The following CAMTA1 variants were observed in gnomAD, a reference collection of about 807,000 sequenced individuals.
The protein encoded by CAMTA1 is calmodulin binding transcription activator 1.
In CAMTA1, 27 loss-of-function variants were observed where a neutral mutation model predicts 170.9. The observed-to-expected ratio is 0.16, with a 90% CI of 0.12 to 0.22. The LOEUF (loss-of-function observed/expected upper bound fraction) is 0.22. Among genes scored for constraint, CAMTA1 ranks in the 10% least tolerant of loss-of-function variants. The pLI is 1.00. For synonymous variants in CAMTA1, 833 were observed against 891.5 expected (o/e 0.93, Z 1.17); for missense variants, 1,619 against 2,217.2 (o/e 0.73, Z 5.42).
chr1:6,820,710 T>G lies in CAMTA1; in HGVS notation c.115+460T>G, dbSNP rs1283255090. Among the ~76,000 whole-genome samples the G allele has an allele frequency of 2.0e-5, 3 of 152,204 alleles. No individual in the cohort carries two copies. In the East Asian group the frequency reaches 5.8e-4, roughly 29 times the overall value. The stretch of plus-strand genomic sequence containing the variant: ...TGGGAGTAATTAAGCCCTTGTGTTT[T>G]ATCGTGAGGATTAAATGAAAGAGTG... On this transcript the variant is annotated intron_variant, in intron 2 of 22. Coordinates refer to ENST00000303635, the MANE Select transcript of CAMTA1 (RefSeq NM_015215.4).
intron 4 of CAMTA1, among the ~76,000 whole-genome samples, chr1:7,222,742 G>A (rs939609581): frequency 6.6e-6 from 1 of 152,250 alleles, no homozygotes; most frequent in Admixed American, 6.5e-5. Flanking sequence ...AATGGTCCCT[G>A]GGCCAGAGGA....
At chr1:7,171,336 T>C (rs947762257) in intron 4 of CAMTA1, among the ~76,000 whole-genome samples, 3 of 152,172 alleles carry the variant, frequency 2.0e-5, no homozygotes, top group Non-Finnish European at 4.4e-5. Flanking sequence ...GCTCAAGCTG[T>C]TCCCCTGCAC....
rs185159742 is a variant in CAMTA1 at position 7,718,587 on chromosome 1, C to G, written c.2915-13861C>G. On this transcript the variant is annotated intron_variant, in intron 11 of 22. Coordinates refer to ENST00000303635, the MANE Select transcript of CAMTA1 (RefSeq NM_015215.4). ...TTTTTTTTTTTTTGAGACAGGGTCT[C>G]GCTCTGTCACCCAGGCTGGAGTGCA... Among the ~76,000 whole-genome samples the G allele has an allele frequency of 4.7e-4, 67 of 142,378 alleles. No homozygotes were observed. The East Asian group carries it at 0.011, about 23-fold the overall frequency. 93.4% of individuals were successfully genotyped at this position (142,378 alleles called of 152,430 possible).
At chr1:7,640,356 G>A (rs765986001) in intron 6 of CAMTA1, 44 bp from the exon 7 acceptor site, 1 of 1,608,360 alleles carries the variant, frequency 6.2e-7, no homozygotes, top group Admixed American at 1.7e-5. Context: ...ACCCTGGTGG[G>A]CTCCATGCCA....
chr1:7,267,035 G>A (rs1669041863), intron 5 of CAMTA1, among the ~76,000 whole-genome samples: 1 of 152,188 alleles, frequency 6.6e-6, no homozygotes, highest in Non-Finnish European at 1.5e-5. Flanking sequence ...AGGTAACTTT[G>A]CTTTATGCTG....
chr1:7,699,151 C>T (rs2149481799), intron 11 of CAMTA1, among the ~76,000 whole-genome samples: 1 of 152,234 alleles, frequency 6.6e-6, no homozygotes, highest in Non-Finnish European at 1.5e-5. Flanking sequence ...ATACAATTTA[C>T]CTATTTGAAG....
chr1:7,656,698 G>A (rs2095906308), intron 7 of CAMTA1, among the ~76,000 whole-genome samples: 1 of 152,242 alleles, frequency 6.6e-6, no homozygotes, highest in Non-Finnish European at 1.5e-5. Flanking sequence ...CCCATGTGGG[G>A]TGAAGCCCCC....
chr1:6,940,949 G>GGGGGATCCTCATGGGGA (rs1553193094), intron 3 of CAMTA1, among the ~76,000 whole-genome samples: 1 of 6,684 alleles, frequency 1.5e-4, no homozygotes, highest in Non-Finnish European at 3.4e-4. Context: ...CTCAGGGGGA[G>GGGGGATCCTCATGGGGA]GGGGGATCCT....
intron 5 of CAMTA1, chr1:7,382,567 T>C (rs981195343): frequency 1.3e-4 from 20 of 152,222 alleles, no homozygotes; most frequent in African/African-American, 4.1e-4. Flanking sequence ...CTACACTTCA[T>C]AGTTTAAATA....
At chr1:7,282,962 T>C (rs553903966) in intron 5 of CAMTA1, among the ~76,000 whole-genome samples, 2 of 152,246 alleles carry the variant, frequency 1.3e-5, no homozygotes, top group South Asian at 4.2e-4. Flanking sequence ...GTCCGCAAGA[T>C]TCATGTAGGA....
chr1:6,902,931 A>G (rs1677452900), intron 3 of CAMTA1, among the ~76,000 whole-genome samples: 1 of 152,226 alleles, frequency 6.6e-6, no homozygotes, highest in African/African-American at 2.4e-5. Flanking sequence ...TTAAACATAC[A>G]TGTACACCAT....
chr1:6,861,948 G>A (rs1557717483), intron 3 of CAMTA1, among the ~76,000 whole-genome samples: 1 of 150,926 alleles, frequency 6.6e-6, no homozygotes, highest in African/African-American at 2.4e-5. Flanking sequence ...ATAAAGTGAA[G>A]TCATATAGTA....
chr1:7,571,089 T>C (rs115817655), intron 6 of CAMTA1, among the ~76,000 whole-genome samples: 133 of 152,322 alleles, frequency 8.7e-4, no homozygotes, highest in Middle Eastern at 3.4e-3. Context: ...TCTTAGTCCA[T>C]TGGGCTGCTA....
At chr1:6,824,236 G>A (rs1018021344) in intron 2 of CAMTA1, among the ~76,000 whole-genome samples, 17 of 152,250 alleles carry the variant, frequency 1.1e-4, no homozygotes, top group African/African-American at 3.6e-4. Flanking sequence ...TGACCTAAAT[G>A]TGCCAAAGCT....
At chr1:7,447,502 A>G (rs1029764068) in intron 5 of CAMTA1, among the ~76,000 whole-genome samples, 3 of 152,048 alleles carry the variant, frequency 2.0e-5, no homozygotes, top group African/African-American at 7.2e-5. Context: ...CAGTTCCCAC[A>G]TGGGCTTCTT....
Position 7,499,767 on chromosome 1 carries a change from G to C in CAMTA1, c.510+31866G>C, listed in dbSNP as rs1332667480. Among the ~76,000 whole-genome samples, 2 of 138,846 alleles carry C rather than the reference G, an allele frequency of 1.4e-5. 1 individual carries two copies. The highest frequency in any genetic ancestry group is 3.1e-5 in the Non-Finnish European group (2 of 65,528). The allele number at this position is 138,846 out of a possible 152,430, so 91.1% of individuals were successfully genotyped here. On this transcript the variant is annotated intron_variant, in intron 6 of 22. Transcript: ENST00000303635. ...GTAGAGAGGATTGTGTGAGCCTGTT[G>C]TGAGTGTGTGTGTCCATGAGTGTGT...
Position 7,682,135 on chromosome 1 carries a change from G to A in CAMTA1, c.2914+4402G>A, listed in dbSNP as rs899168540. 6.6e-6 allele frequency among the ~76,000 whole-genome samples: 1 copy of A among 152,174 alleles called. No individual in the cohort carries two copies. The highest frequency in any genetic ancestry group is 2.4e-5 in the African/African-American group (1 of 41,442). ...GCGTGCAGCTCCCCTGGGCTTGGCT[G>A]GTCTCCTGGGCAGGCCCCCTTCTGG... On this transcript the variant is annotated intron_variant, in intron 11 of 22. Transcript: ENST00000303635. The surrounding 1 kb of genome is among the most constrained non-coding windows in gnomAD (Gnocchi z 5.0).
In CAMTA1 at chr1:7,015,947, G is replaced by A. The variant is rs543523006; in HGVS notation, c.235-75357G>A. On this transcript the variant is annotated intron_variant, in intron 3 of 22. Transcript: ENST00000303635. The stretch of plus-strand genomic sequence containing the variant: ...AGGTGCTGCACACCTTCAAACAGCC[G>A]GATCTCCTGAGAACTCACTATCATG... Among the ~76,000 whole-genome samples, 18 of 152,296 alleles carry A rather than the reference G, an allele frequency of 1.2e-4. No individual in the cohort carries two copies. In the East Asian group the frequency reaches 1.4e-3, roughly 11 times the overall value.
chr1:7,188,192 G>A (rs765798760), intron 4 of CAMTA1, among the ~76,000 whole-genome samples: 4 of 152,130 alleles, frequency 2.6e-5, no homozygotes, highest in Non-Finnish European at 5.9e-5. Flanking sequence ...CCTCCCACCA[G>A]TCTCTCCCAC....
Sources: gnomAD v4.1 joint callset for allele counts (sites outside exome capture counted in the v4.1 genomes callset) on GRCh38, gnomAD v4.1.1 for gene constraint, Gnocchi (gnomAD v3.1) non-coding constraint, MANE v1.5 for transcripts, NCBI Gene and HGNC (gene_info 2026-07-23, HGNC 2026-07-21) for gene names.